Variants in TMOD2 observed in about 807,000 individuals in gnomAD.
The protein encoded by TMOD2 is tropomodulin-2.
A neutral mutation model predicts 39.9 loss-of-function variants in TMOD2; 22 were observed. That is an observed-to-expected ratio of 0.55 (90% CI 0.39 to 0.79). The LOEUF (loss-of-function observed/expected upper bound fraction) is 0.79. Among genes scored for constraint, TMOD2 ranks in the 30% least tolerant of loss-of-function variants. The pLI is 0.00. For missense variants in TMOD2, 386 were observed against 413.3 expected (o/e 0.93, Z 0.57); for synonymous variants, 123 against 146.1 (o/e 0.84, Z 1.14).
intron 5 of TMOD2, among the ~76,000 whole-genome samples, chr15:51,779,200 A>G (rs1222132462): frequency 6.6e-6 from 1 of 152,164 alleles, no homozygotes; most frequent in Non-Finnish European, 1.5e-5. Flanking sequence ...GCATATGGAT[A>G]AAAAATGCTC....
chr15:51,768,119 C>A, intron 2 of TMOD2, 143 bp from the exon 3 acceptor site: 1 of 894,462 alleles, frequency 1.1e-6, no homozygotes, highest in Non-Finnish European at 1.7e-6. Flanking sequence ...CGTCCCAGAG[C>A]CCCCAGCCCT....
chr15:51,752,746 A>G (rs2055715114), intron 1 of TMOD2: 1 of 152,244 alleles, frequency 6.6e-6, no homozygotes, highest in African/African-American at 2.4e-5. Context: ...CAAAAAGCCT[A>G]ATTGTGACAA....
chr15:51,753,299 C>T (rs1251333405), intron 1 of TMOD2, among the ~76,000 whole-genome samples: 1 of 152,096 alleles, frequency 6.6e-6, no homozygotes, highest in African/African-American at 2.4e-5. Flanking sequence ...CCACAGTTTA[C>T]TCTGGGAAAA....
intron 3 of TMOD2, among the ~76,000 whole-genome samples, 188 bp from the exon 4 acceptor site, chr15:51,773,524 G>T (rs2055867238): frequency 6.6e-6 from 1 of 152,188 alleles, no homozygotes. Context: ...TCCTCCTCCA[G>T]TGTTCCTTCC....
chr15:51,788,299 A>G (rs893445206), intron 7 of TMOD2, among the ~76,000 whole-genome samples: 1 of 152,236 alleles, frequency 6.6e-6, no homozygotes, highest in Admixed American at 6.5e-5. Flanking sequence ...TTAATGGAGT[A>G]CAGTCAGAGG....
intron 9 of TMOD2, among the ~76,000 whole-genome samples, chr15:51,807,778 G>A (rs2056130164): frequency 1.3e-5 from 2 of 152,106 alleles, no homozygotes; most frequent in Non-Finnish European, 2.9e-5. Flanking sequence ...AGTTCAAATA[G>A]CCCTCTTCCC....
intron 3 of TMOD2, among the ~76,000 whole-genome samples, chr15:51,769,824 A>C (rs3794530): frequency 0.48 from 72,584 of 151,930 alleles, 17,626 homozygotes; most frequent in Admixed American, 0.54. Flanking sequence ...CACTTGAGCC[A>C]AGGAGTTCAA....
intron 8 of TMOD2, 29 bp from the exon 9 acceptor site, chr15:51,806,348 C>G (rs2056121219): frequency 5.0e-6 from 8 of 1,611,986 alleles, no homozygotes; most frequent in Non-Finnish European, 5.9e-6. Flanking sequence ...TCTTGGTCAT[C>G]CTGTGCATGT....
At chr15:51,773,152 A>G (rs1194051819) in intron 3 of TMOD2, among the ~76,000 whole-genome samples, 1 of 152,074 alleles carries the variant, frequency 6.6e-6, no homozygotes, top group Non-Finnish European at 1.5e-5. Context: ...GAGGGTACAC[A>G]CCCAGCAGCA....
intron 8 of TMOD2, among the ~76,000 whole-genome samples, chr15:51,799,801 A>T (rs1000223185): frequency 6.6e-6 from 1 of 152,216 alleles, no homozygotes; most frequent in Admixed American, 6.5e-5. Context: ...ATATTTGTTG[A>T]ATAGACTCAT....
At chr15:51,785,230 G>A (rs1344654833) in intron 7 of TMOD2, among the ~76,000 whole-genome samples, 1 of 151,338 alleles carries the variant, frequency 6.6e-6, no homozygotes, top group African/African-American at 2.4e-5. Flanking sequence ...GGCTAACAAG[G>A]TGAAACCCCG....
In TMOD2 at chr15:51,781,154, G is replaced by C. The variant is rs1009162806; in HGVS notation, c.604G>C (p.Val202Leu). The C allele has an allele frequency of 6.2e-7, 1 of 1,609,120 alleles. No homozygotes were observed. Among genetic ancestry groups the C allele is most frequent in the Admixed American group, 1.7e-5 (1 of 58,496 alleles). The change falls in exon 6 of 10, where the codon GTC (valine) becomes CTC (leucine). Residue 202 changes from valine to leucine, a missense_variant. Coordinates refer to ENST00000249700, the MANE Select transcript of TMOD2 (RefSeq NM_014548.4). ...AGCCAATGATCCTAGCTTGCAAGAA[G>C]TCAACCTCAACAACATTAAGGTATT... The part of the protein sequence containing the change: ...MKANDPSLQE[V>L]NLNNIKNIPI...
chr15:51,790,223 A>G, intron 7 of TMOD2, among the ~76,000 whole-genome samples: 1 of 152,246 alleles, frequency 6.6e-6, no homozygotes, highest in East Asian at 1.9e-4. Context: ...GAATATTATA[A>G]ACACCTCTAC....
chr15:51,781,823 A>AGTGTGT (rs57436390), intron 6 of TMOD2, among the ~76,000 whole-genome samples: 3 of 149,390 alleles, frequency 2.0e-5, no homozygotes, highest in Non-Finnish European at 4.4e-5. Context: ...AGAGAGAGAG[A>AGTGTGT]GTGTGTGTGT....
At chr15:51,783,027 T>C in intron 7 of TMOD2, 199 bp downstream of exon 7, 1 of 560,248 alleles carries the variant, frequency 1.8e-6, no homozygotes, top group South Asian at 2.1e-5. Flanking sequence ...TGGAATTTTG[T>C]CAGCATTACA....
chr15:51,810,428 C>G lies in TMOD2; in HGVS notation c.*1974C>G, dbSNP rs2056148697. 1 of 152,168 alleles carries G rather than the reference C, an allele frequency of 6.6e-6. No homozygotes were observed. Among genetic ancestry groups the G allele is most frequent in the African/African-American group, 2.4e-5 (1 of 41,454 alleles). The allele number at this position is 152,168 out of a possible 1,614,324, so 9.4% of individuals were successfully genotyped here. A position where few individuals can be genotyped will look rare whatever the true frequency, so the allele number is the denominator to read the frequency against. Reference sequence around the variant, plus strand: ...AGAAATATTACCAAACAGTATGCTACTGAACGTATCCTCTCAACTCCATGT... The same window carrying G: ...AGAAATATTACCAAACAGTATGCTAGTGAACGTATCCTCTCAACTCCATGT... On this transcript the variant is annotated 3_prime_UTR_variant, in exon 10 of 10. Coordinates refer to ENST00000249700, the MANE Select transcript of TMOD2 (RefSeq NM_014548.4).
At chr15:51,793,691 G>A (rs965530751) in intron 7 of TMOD2, among the ~76,000 whole-genome samples, 2 of 152,212 alleles carry the variant, frequency 1.3e-5, no homozygotes, top group Non-Finnish European at 2.9e-5. Context: ...ATTGTGTTTG[G>A]CTGGCTCGCC....
rs74723834 is a variant in TMOD2 at position 51,800,124 on chromosome 15, C to A, written c.876+1784C>A. 9.3e-3 allele frequency among the ~76,000 whole-genome samples: 1,411 copies of A among 152,320 alleles called. 15 individuals are homozygous for A. Among genetic ancestry groups the A allele is most frequent in the African/African-American group, 0.019 (774 of 41,580 alleles). On this transcript the variant is annotated intron_variant, in intron 8 of 9. Coordinates refer to ENST00000249700, the MANE Select transcript of TMOD2 (RefSeq NM_014548.4). ...ATTTGTTGTTTATCAGAAAGTCAAA[C>A]TTAACTGGGTGTCCTGTATTTTTAT... is the stretch of plus-strand genomic sequence containing the variant.
chr15:51,791,512 C>A (rs933191179), intron 7 of TMOD2, among the ~76,000 whole-genome samples: 2 of 152,080 alleles, frequency 1.3e-5, no homozygotes, highest in African/African-American at 4.8e-5. Flanking sequence ...CTACTTTAAA[C>A]TTCATATGGA....
Sources: gnomAD v4.1 joint callset for allele counts (sites outside exome capture counted in the v4.1 genomes callset) on GRCh38, gnomAD v4.1.1 for gene constraint, MANE v1.5 for transcripts, NCBI Gene and HGNC (gene_info 2026-07-23, HGNC 2026-07-21) for gene names.